Variants in LRBA observed in about 807,000 individuals in gnomAD.
The protein encoded by LRBA is lipopolysaccharide-responsive and beige-like anchor protein.
A neutral mutation model predicts 330.0 loss-of-function variants in LRBA; 176 were observed. The observed-to-expected ratio is 0.53, with a 90% CI of 0.47 to 0.60. The LOEUF is 0.60. Among genes scored for constraint, LRBA ranks in the 20% least tolerant of loss-of-function variants. LRBA has a pLI of 0.00. For missense variants in LRBA, 3,259 were observed against 3,444.8 expected, an observed-to-expected ratio of 0.95 and a Z score of 1.35; for synonymous variants, 1,230 against 1,193.0, an observed-to-expected ratio of 1.03 and a Z score of -0.64.
intron 34 of LRBA, among the ~76,000 whole-genome samples, chr4:150,793,781 G>T (rs1740350032): frequency 6.6e-6 from 1 of 152,150 alleles, no homozygotes; most frequent in South Asian, 2.1e-4. Context: ...TTCCAAAAGA[G>T]ATTGTAATTT....
chr4:150,583,724 T>C lies in LRBA; in HGVS notation c.6330+4324A>G, dbSNP rs768794610. On this transcript the variant is annotated intron_variant, in intron 40 of 56. Transcript: ENST00000651943. This position sits in a 1 kb window ranked among gnomAD's most constrained non-coding sequence, Gnocchi z 9.8. The stretch of plus-strand genomic sequence containing the variant: ...TCGGCAGAGAGCGACGCCTGGGTGC[T>C]ACAGTTCGGGGAGGCGGAGAACCGC... 1 of 1,613,510 alleles carries C rather than the reference T, an allele frequency of 6.2e-7. No individual in the cohort carries two copies. Among genetic ancestry groups the C allele is most frequent in the Non-Finnish European group, 8.5e-7 (1 of 1,179,794 alleles).
At chr4:150,506,294 AT>A (rs1204457096) in intron 40 of LRBA, among the ~76,000 whole-genome samples, 1 of 152,222 alleles carries the variant, frequency 6.6e-6, no homozygotes, top group African/African-American at 2.4e-5. Context: ...TTTTAGACCA[AT>A]ATCCTTGATG....
chr4:150,440,860 A>G (rs568785287), intron 44 of LRBA, among the ~76,000 whole-genome samples: 2 of 152,208 alleles, frequency 1.3e-5, no homozygotes, highest in African/African-American at 4.8e-5. Flanking sequence ...GCCAAAAATC[A>G]CTGTATTTAG....
intron 44 of LRBA, among the ~76,000 whole-genome samples, chr4:150,456,043 G>C (rs1278468410): frequency 6.6e-6 from 1 of 152,054 alleles, no homozygotes; most frequent in Non-Finnish European, 1.5e-5. Context: ...TTGTGTATAA[G>C]CACCATATTT....
intron 52 of LRBA, among the ~76,000 whole-genome samples, chr4:150,303,433 G>A (rs1290155749): frequency 6.6e-6 from 1 of 152,094 alleles, no homozygotes; most frequent in Non-Finnish European, 1.5e-5. Flanking sequence ...CCTTGAGGGT[G>A]AAATCAAGAT....
At chr4:150,381,751 A>G (rs1742298657) in intron 47 of LRBA, among the ~76,000 whole-genome samples, 1 of 96,714 alleles carries the variant, frequency 1.0e-5, no homozygotes, top group Non-Finnish European at 3.0e-5. Flanking sequence ...CGGTAACTCA[A>G]TGTAAAGAAT....
chr4:150,504,853 T>C (rs1222112350), intron 40 of LRBA, among the ~76,000 whole-genome samples: 3 of 152,012 alleles, frequency 2.0e-5, no homozygotes, highest in African/African-American at 4.8e-5. Flanking sequence ...GAGACACACA[T>C]AGGCTCAAAA....
chr4:150,882,593 A>G (rs1728521359), intron 17 of LRBA, among the ~76,000 whole-genome samples: 1 of 152,204 alleles, frequency 6.6e-6, no homozygotes, highest in African/African-American at 2.4e-5. Context: ...TTAAAGAAAT[A>G]GATATGGATA....
intron 39 of LRBA, among the ~76,000 whole-genome samples, chr4:150,589,216 G>A (rs185887940): frequency 8.8e-4 from 134 of 152,308 alleles, no homozygotes; most frequent in African/African-American, 3.1e-3. Flanking sequence ...AACAAGCTGT[G>A]CCTATTCAGG....
At chr4:150,504,027 A>G (rs1196811933) in intron 40 of LRBA, among the ~76,000 whole-genome samples, 1 of 152,204 alleles carries the variant, frequency 6.6e-6, no homozygotes, top group African/African-American at 2.4e-5. Flanking sequence ...CGAAGCAAGA[A>G]GAGAAGTTTA....
At chr4:150,486,617 G>A (rs1757900880) in intron 42 of LRBA, among the ~76,000 whole-genome samples, 2 of 151,682 alleles carry the variant, frequency 1.3e-5, no homozygotes, top group South Asian at 2.1e-4. Context: ...GCTAATTTGA[G>A]CAAATTAATA....
At chr4:150,486,854 CT>C (rs1757940359) in intron 42 of LRBA, among the ~76,000 whole-genome samples, 1 of 151,768 alleles carries the variant, frequency 6.6e-6, no homozygotes, top group South Asian at 2.1e-4. Flanking sequence ...ATGAGTCTAA[CT>C]TTTTTAGATT....
chr4:150,408,550 T>G (rs1746516001), intron 47 of LRBA, among the ~76,000 whole-genome samples: 1 of 152,150 alleles, frequency 6.6e-6, no homozygotes, highest in Non-Finnish European at 1.5e-5. Context: ...ATGAGACTAG[T>G]ATTACCCTGA....
intron 47 of LRBA, among the ~76,000 whole-genome samples, chr4:150,373,717 G>A (rs1045021871): frequency 6.6e-6 from 1 of 152,138 alleles, no homozygotes; most frequent in East Asian, 1.9e-4. Flanking sequence ...TCTCAGAAGA[G>A]TATCTGGCTG....
chr4:150,692,361 G>A lies in LRBA; in HGVS notation c.5755-8644C>T, dbSNP rs185613506. 9.9e-4 allele frequency among the ~76,000 whole-genome samples: 151 copies of A among 152,128 alleles called. 3 individuals are homozygous for A. The highest frequency in any genetic ancestry group is 3.6e-3 in the African/African-American group (148 of 41,516). ...AGTCCCCCAAGTAGCTGGGACTAGA[G>A]GCATGCACCACCATGCCCAACTAAT... is the stretch of plus-strand genomic sequence containing the variant. On this transcript the variant is annotated intron_variant, in intron 36 of 56. Coordinates refer to ENST00000651943, the MANE Select transcript of LRBA (RefSeq NM_001364905.1).
At chr4:150,813,226 T>C (rs373751926) in intron 31 of LRBA, among the ~76,000 whole-genome samples, 1 of 151,468 alleles carries the variant, frequency 6.6e-6, no homozygotes, top group Non-Finnish European at 1.5e-5. Flanking sequence ...GTATTCTAGG[T>C]AATCAGATCT....
At chr4:150,289,572 T>C (rs2126794268) in intron 53 of LRBA, among the ~76,000 whole-genome samples, 1 of 152,300 alleles carries the variant, frequency 6.6e-6, no homozygotes, top group South Asian at 2.1e-4. Flanking sequence ...CTACTTAACT[T>C]TCCTCACCTA....
chr4:150,951,597 G>C (rs963856398), intron 2 of LRBA, among the ~76,000 whole-genome samples: 2 of 151,942 alleles, frequency 1.3e-5, no homozygotes, highest in Admixed American at 6.6e-5. Flanking sequence ...TAGATAATAA[G>C]ACCTACCTAT....
intron 40 of LRBA, among the ~76,000 whole-genome samples, chr4:150,539,898 C>T (rs926344743): frequency 1.3e-5 from 2 of 152,012 alleles, no homozygotes; most frequent in African/African-American, 4.8e-5. Context: ...AGTATCAGTT[C>T]GTTAAACATC....
Sources: gnomAD v4.1 joint callset for allele counts (sites outside exome capture counted in the v4.1 genomes callset) on GRCh38, gnomAD v4.1.1 for gene constraint, Gnocchi (gnomAD v3.1) non-coding constraint, MANE v1.5 for transcripts, NCBI Gene and HGNC (gene_info 2026-07-23, HGNC 2026-07-21) for gene names.